The following LRRC69 variants were observed in gnomAD, a reference collection of about 807,000 sequenced individuals.
LRRC69 encodes leucine-rich repeat-containing protein 69.
LRRC69 carries 42 observed loss-of-function variants against 37.8 expected under a neutral mutation model. That is an observed-to-expected ratio of 1.11 (90% CI 0.87 to 1.44). The LOEUF is 1.44. Ranked by LOEUF, LRRC69 falls within the 40% of genes most tolerant of loss-of-function variation. The pLI, the probability that LRRC69 is intolerant of heterozygous loss-of-function variation, is 0.00. For synonymous variants in LRRC69, 141 were observed against 143.1 expected (o/e 0.99, Z 0.11); for missense variants, 357 against 401.9 (o/e 0.89, Z 0.96).
chr8:91,136,747 A>G (rs1488810159), intron 5 of LRRC69, among the ~76,000 whole-genome samples: 2 of 151,962 alleles, frequency 1.3e-5, no homozygotes, highest in African/African-American at 4.8e-5. Flanking sequence ...CCACATATCT[A>G]CTATATATCT....
chr8:91,174,000 C>T (rs1809178754), intron 5 of LRRC69, among the ~76,000 whole-genome samples: 1 of 32,938 alleles, frequency 3.0e-5, no homozygotes, highest in African/African-American at 1.5e-4. Context: ...GAGCAAGAAA[C>T]ATGACTTGCC....
intron 5 of LRRC69, among the ~76,000 whole-genome samples, chr8:91,153,244 T>G (rs182626342): frequency 6.6e-6 from 1 of 151,454 alleles, no homozygotes; most frequent in East Asian, 2.0e-4. Flanking sequence ...ACAAGGAGAC[T>G]TAGACTCCCA....
At chr8:91,180,637 G>T (rs1051084287) in intron 5 of LRRC69, among the ~76,000 whole-genome samples, 3 of 151,396 alleles carry the variant, frequency 2.0e-5, no homozygotes, top group Non-Finnish European at 4.4e-5. Context: ...AGCACAAAAT[G>T]TACTCTATCA....
chr8:91,159,839 C>G (rs1293764852), intron 5 of LRRC69, among the ~76,000 whole-genome samples: 2 of 151,026 alleles, frequency 1.3e-5, no homozygotes, highest in African/African-American at 4.8e-5. Flanking sequence ...CAGTTAGTGA[C>G]ATTCTTTCAA....
chr8:91,106,232 T>TA (rs2130472042), intron 1 of LRRC69, among the ~76,000 whole-genome samples: 1 of 152,246 alleles, frequency 6.6e-6, no homozygotes, highest in African/African-American at 2.4e-5. Flanking sequence ...CAGTAATGTT[T>TA]AAAGCTACCC....
chr8:91,127,101 T>A (rs1288473700), exon 3 of LRRC69: 3 of 1,547,712 alleles, frequency 1.9e-6, no homozygotes, highest in Non-Finnish European at 2.6e-6. Context: ...GCTTACAAAA[T>A]TTAATCCTGC....
intron 1 of LRRC69, among the ~76,000 whole-genome samples, chr8:91,105,119 A>G (rs989955862): frequency 6.6e-6 from 1 of 152,006 alleles, no homozygotes; most frequent in Non-Finnish European, 1.5e-5. Context: ...CTGATTTGCA[A>G]CTAGGCTGCT....
At chr8:91,183,384 C>T (rs1347813269) in intron 5 of LRRC69, among the ~76,000 whole-genome samples, 3 of 152,060 alleles carry the variant, frequency 2.0e-5, no homozygotes, top group Non-Finnish European at 4.4e-5. Flanking sequence ...AAGACCTGAA[C>T]ATATTTAAGA....
In LRRC69 at chr8:91,218,875, A is replaced by G. The variant is rs756387308; in HGVS notation, c.934-15A>G. 66 of 1,483,400 alleles carry G rather than the reference A, an allele frequency of 4.4e-5. No individual in the cohort carries two copies. The highest frequency in any genetic ancestry group is 4.9e-5 in the East Asian group (2 of 40,556). 91.9% of individuals were successfully genotyped at this position (1,483,400 alleles called of 1,614,324 possible). ...GAACACTGCCTAAATTTTATTTTTA[A>G]TCTTTACTTTTTAGGACTGGAAGAT... is the stretch of plus-strand genomic sequence containing the variant. On this transcript the variant is annotated splice_polypyrimidine_tract_variant and intron_variant, in intron 7 of 7. Coordinates refer to ENST00000448384, the Ensembl canonical transcript of LRRC69.
chr8:91,127,209 A>C, intron 3 of LRRC69, 49 bp downstream of exon 3: 1 of 1,324,660 alleles, frequency 7.5e-7, no homozygotes, highest in Non-Finnish European at 1.1e-6. Flanking sequence ...CCCCTCCTCT[A>C]TCCCCACCCT....
intron 5 of LRRC69, chr8:91,157,919 G>C: frequency 6.4e-7 from 1 of 1,553,838 alleles, no homozygotes; most frequent in Non-Finnish European, 8.9e-7. Flanking sequence ...CAAGAAAGTT[G>C]TGTATCGGCA....
At position 91,119,797 on chromosome 8, in the gene LRRC69, C is replaced by T. The variant is rs1420747575; in HGVS notation, c.184-4696C>T. On this transcript the variant is annotated intron_variant, in intron 1 of 7. Coordinates refer to ENST00000448384, the Ensembl canonical transcript of LRRC69. ...CAGGAACTCTCTCATCTTTTCATCA[C>T]GAATTCATCTACTTATCTGATCCTC... Among the ~76,000 whole-genome samples the T allele has an allele frequency of 2.0e-5, 3 of 152,090 alleles. No individual in the cohort carries two copies. The East Asian group carries it at 5.8e-4, about 29-fold the overall frequency.
At chr8:91,166,262 T>G (rs1240088803) in intron 5 of LRRC69, among the ~76,000 whole-genome samples, 1 of 151,770 alleles carries the variant, frequency 6.6e-6, no homozygotes, top group East Asian at 1.9e-4. Flanking sequence ...TGTCTTCCCT[T>G]GTCACCATCA....
At chr8:91,103,473 C>G (rs1397941600) in intron 1 of LRRC69, among the ~76,000 whole-genome samples, 1 of 151,856 alleles carries the variant, frequency 6.6e-6, no homozygotes, top group African/African-American at 2.4e-5. Flanking sequence ...ACCTTTCTGC[C>G]TAACAATGTG....
chr8:91,107,940 T>A (rs1431804472), intron 1 of LRRC69, among the ~76,000 whole-genome samples: 1 of 152,066 alleles, frequency 6.6e-6, no homozygotes, highest in East Asian at 1.9e-4. Context: ...AATGTCAACA[T>A]GAGTGAAATG....
At chr8:91,116,646 G>A (rs535261390) in intron 1 of LRRC69, among the ~76,000 whole-genome samples, 1 of 152,010 alleles carries the variant, frequency 6.6e-6, no homozygotes, top group African/African-American at 2.4e-5. Flanking sequence ...GAGGGTAGGA[G>A]TTAGGAATAT....
At chr8:91,110,107 T>C in intron 1 of LRRC69, among the ~76,000 whole-genome samples, 1 of 152,052 alleles carries the variant, frequency 6.6e-6, no homozygotes, top group Non-Finnish European at 1.5e-5. Flanking sequence ...CAAAATAGTT[T>C]ACAGAACCTG....
At chr8:91,143,514 C>A (rs1808565769) in intron 5 of LRRC69, among the ~76,000 whole-genome samples, 1 of 151,942 alleles carries the variant, frequency 6.6e-6, no homozygotes, top group Non-Finnish European at 1.5e-5. Flanking sequence ...TAAACACATT[C>A]TGTGTCAGAG....
intron 7 of LRRC69, among the ~76,000 whole-genome samples, chr8:91,211,619 T>TTA (rs1554597827): frequency 0.019 from 2,810 of 144,692 alleles, 39 homozygotes; most frequent in Non-Finnish European, 0.03. Flanking sequence ...TATATATATT[T>TTA]TTTTTTTATT....
Sources: allele counts gnomAD v4.1 joint callset (sites outside exome capture counted in the v4.1 genomes callset), GRCh38; gene constraint gnomAD v4.1.1; transcripts MANE v1.5; gene names NCBI Gene and HGNC (gene_info 2026-07-23, HGNC 2026-07-21).